The following MCM6 variants were observed in gnomAD, a reference collection of about 807,000 sequenced individuals.
MCM6 encodes the protein DNA replication licensing factor MCM6.
Under a neutral mutation model 94.3 loss-of-function variants are expected in MCM6, and 46 were observed. That is an observed-to-expected ratio of 0.49 (90% CI 0.39 to 0.62). MCM6 has a LOEUF of 0.62. MCM6 is among the 20% of genes least tolerant of loss of function. The pLI is 0.00. For synonymous variants in MCM6, 335 were observed against 351.9 expected, an observed-to-expected ratio of 0.95 and a Z score of 0.54; for missense variants, 865 against 1,017.9, an observed-to-expected ratio of 0.85 and a Z score of 2.04.
chr2:135,852,652 G>GA (rs368127110), intron 12 of MCM6, 135 bp downstream of exon 12: 74,408 of 449,702 alleles, frequency 0.17, 757 homozygotes, highest in African/African-American at 0.23. Flanking sequence ...TGCTGTTCCA[G>GA]AAAAAAAAAA....
rs577470490 is a variant in MCM6 at position 135,846,130 on chromosome 2, T to C, written c.2209+107A>G. ...TAAAGTGAGTTTATCTAACAACTTA[T>C]CCTCTCTTCCGACAGAACAACACGA... is the stretch of plus-strand genomic sequence containing the variant. On this transcript the variant is annotated intron_variant, in intron 15 of 16. Transcript: ENST00000264156. 8 of 1,107,156 alleles carry C rather than the reference T, an allele frequency of 7.2e-6. No homozygotes were observed. The African/African-American group carries it at 9.3e-5, about 13-fold the overall frequency. The allele number at this position is 1,107,156 out of a possible 1,614,324, so 68.6% of individuals were successfully genotyped here. A position where few individuals can be genotyped will look rare whatever the true frequency, so the allele number is the denominator to read the frequency against.
intron 1 of MCM6, among the ~76,000 whole-genome samples, chr2:135,874,451 G>A (rs1339898581): frequency 6.6e-6 from 1 of 152,200 alleles, no homozygotes; most frequent in Non-Finnish European, 1.5e-5. Context: ...CATAGGTAGT[G>A]AAATGGAAAT....
chr2:135,854,319 C>G (rs1292598295), intron 11 of MCM6, among the ~76,000 whole-genome samples: 1 of 151,944 alleles, frequency 6.6e-6, no homozygotes. Flanking sequence ...CACCTGAGGT[C>G]AGGAGTTTGA....
chr2:135,841,785 T>C (rs558136854), intron 16 of MCM6, among the ~76,000 whole-genome samples: 3 of 152,252 alleles, frequency 2.0e-5, no homozygotes, highest in Admixed American at 2.0e-4. Flanking sequence ...TGTAGCAAAT[T>C]AGTTCAGGTG....
intron 10 of MCM6, 26 bp from the exon 11 acceptor site, chr2:135,856,909 C>T: frequency 1.3e-6 from 2 of 1,599,732 alleles, no homozygotes; most frequent in Non-Finnish European, 1.7e-6. Flanking sequence ...AGAATCTTAA[C>T]AGATTTAAAT....
chr2:135,841,549 T>C (rs958199946), intron 16 of MCM6, among the ~76,000 whole-genome samples: 7 of 152,092 alleles, frequency 4.6e-5, no homozygotes, highest in African/African-American at 7.2e-5. Flanking sequence ...GCCAAGCCCA[T>C]AGAAAGGAAC....
chr2:135,845,695 T>C (rs559940696), intron 15 of MCM6, among the ~76,000 whole-genome samples: 44 of 152,342 alleles, frequency 2.9e-4, no homozygotes, highest in African/African-American at 1.1e-3. Flanking sequence ...TCCTTCTGCT[T>C]TGTAGTTAAC....
intron 9 of MCM6, among the ~76,000 whole-genome samples, chr2:135,858,802 C>T (rs967728395): frequency 6.6e-6 from 1 of 152,224 alleles, no homozygotes; most frequent in Non-Finnish European, 1.5e-5. Flanking sequence ...ACAGCAAACA[C>T]ACGTGCTCAG....
At chr2:135,859,604 G>C (rs986638657) in intron 8 of MCM6, among the ~76,000 whole-genome samples, 162 bp from the exon 9 acceptor site, 1 of 151,796 alleles carries the variant, frequency 6.6e-6, no homozygotes, top group Admixed American at 6.6e-5. Context: ...TCTCTCCCTC[G>C]GCTTTTCTTT....
chr2:135,855,868 A>C (rs1679864212), intron 11 of MCM6, among the ~76,000 whole-genome samples: 1 of 152,224 alleles, frequency 6.6e-6, no homozygotes, highest in South Asian at 2.1e-4. Flanking sequence ...TGGGCATCTG[A>C]AGTGCATTAT....
chr2:135,844,212 T>C (rs1208420095), intron 16 of MCM6, among the ~76,000 whole-genome samples: 1 of 151,886 alleles, frequency 6.6e-6, no homozygotes, highest in Non-Finnish European at 1.5e-5. Context: ...AGGTGGGAAC[T>C]AAGAATGTGA....
chr2:135,852,922 C>T lies in MCM6; in HGVS notation c.1627-7G>A, dbSNP rs750609337. ...CAATGGCATAATCTGTAACCTAATT[C>T]AAAACAAAAAAATCACTTTGATAGT... On this transcript the variant is annotated splice_polypyrimidine_tract_variant and splice_region_variant and intron_variant, in intron 11 of 16. Coordinates refer to ENST00000264156, the MANE Select transcript of MCM6 (RefSeq NM_005915.6). 3.8e-6 allele frequency: 6 copies of T among 1,580,742 alleles called. No individual in the cohort carries two copies. Among genetic ancestry groups the T allele is most frequent in the Non-Finnish European group, 5.1e-6 (6 of 1,168,056 alleles).
intron 16 of MCM6, among the ~76,000 whole-genome samples, chr2:135,841,674 T>C (rs1355740096): frequency 6.6e-6 from 1 of 152,198 alleles, no homozygotes; most frequent in Non-Finnish European, 1.5e-5. Context: ...AATCTACCCC[T>C]GAAGTTAGAT....
At chr2:135,847,895 C>A (rs928258308) in intron 14 of MCM6, among the ~76,000 whole-genome samples, 158 bp downstream of exon 14, 7 of 152,186 alleles carry the variant, frequency 4.6e-5, no homozygotes, top group Non-Finnish European at 1.0e-4. Context: ...TATTTAATTT[C>A]ATTTTAACTT....
intron 13 of MCM6, among the ~76,000 whole-genome samples, chr2:135,848,822 T>C (rs1410411412): frequency 6.6e-6 from 1 of 151,978 alleles, no homozygotes; most frequent in Admixed American, 6.6e-5. Flanking sequence ...GAGGCAGAGG[T>C]TGCAGTGAGC....
At position 135,872,340 on chromosome 2, in the gene MCM6, C is replaced by T. The variant is rs796444477; in HGVS notation, c.254+357G>A. Among the ~76,000 whole-genome samples, 3 of 152,116 alleles carry T rather than the reference C, an allele frequency of 2.0e-5. No individual in the cohort carries two copies. In the East Asian group the frequency reaches 5.8e-4, roughly 29 times the overall value. ...GTGGGCGCCTGTAATCCCAGCTATT[C>T]GGGAGGCTGACGCAGAAGAATCGCT... On this transcript the variant is annotated intron_variant, in intron 2 of 16. Transcript: ENST00000264156.
At chr2:135,862,796 A>G (rs764311815) in intron 7 of MCM6, 48 bp from the exon 8 acceptor site, 14 of 1,596,030 alleles carry the variant, frequency 8.8e-6, no homozygotes, top group African/African-American at 2.7e-5. Context: ...TTCAACATGA[A>G]GTTAAACACT....
In MCM6 at chr2:135,841,282, CTAAT is replaced by C. The variant is rs4988281; in HGVS notation, c.2350-335_2350-332del. On this transcript the variant is annotated intron_variant, in intron 16 of 16. Coordinates refer to ENST00000264156, the MANE Select transcript of MCM6 (RefSeq NM_005915.6). ...AGGTTAAACAACTCTGCAAAATCTT[CTAAT>C]TAATTGGAAGTCTGTTTCATACTTA... Among the ~76,000 whole-genome samples the C allele has an allele frequency of 1.4e-3, 217 of 152,150 alleles. 3 individuals are homozygous for C. Among genetic ancestry groups the C allele is most frequent in the Admixed American group, 0.012 (178 of 15,278 alleles).
At position 135,868,633 on chromosome 2, in the gene MCM6, G is replaced by C; in HGVS notation, c.593C>G (p.Ser198Ter). The C allele has an allele frequency of 6.2e-7, 1 of 1,613,846 alleles. No homozygotes were observed. The highest frequency in any genetic ancestry group is 1.1e-5 in the South Asian group (1 of 91,078). ...TACCTTTTGAAAATCAACAAATCTT[G>C]ATTTATTTGTATCCAGTAAGAATCT... ...RRRFLLDTNK[S>*]RFVDFQKVRI... The change falls in exon 4 of 17, where the codon TCA (serine) becomes TGA (stop). Residue 198 changes from serine to a stop codon, truncating the protein, a stop_gained. Coordinates refer to ENST00000264156, the MANE Select transcript of MCM6 (RefSeq NM_005915.6). LOFTEE classifies it high-confidence loss of function.
Sources: gnomAD v4.1 joint callset for allele counts (sites outside exome capture counted in the v4.1 genomes callset) on GRCh38, gnomAD v4.1.1 for gene constraint, MANE v1.5 for transcripts, NCBI Gene and HGNC (gene_info 2026-07-23, HGNC 2026-07-21) for gene names.